The following RPF2 variants were observed in gnomAD, a reference collection of about 807,000 sequenced individuals.
The protein encoded by RPF2 is ribosome production factor 2 homolog, also known as brix domain containing 1.
RPF2 carries 21 observed loss-of-function variants against 38.9 expected under a neutral mutation model. The observed-to-expected ratio is 0.54, with a 90% CI of 0.38 to 0.78. RPF2 has a LOEUF of 0.78. Among genes scored for constraint, RPF2 ranks in the 30% least tolerant of loss-of-function variants. The pLI is 0.00. For missense variants in RPF2, 314 were observed against 358.1 expected, an observed-to-expected ratio of 0.88 and a Z score of 0.99; for synonymous variants, 121 against 126.2, an observed-to-expected ratio of 0.96 and a Z score of 0.28.
chr6:110,986,355 A>C (rs1771526280), intron 2 of RPF2, among the ~76,000 whole-genome samples: 1 of 152,220 alleles, frequency 6.6e-6, no homozygotes, highest in South Asian at 2.1e-4. Context: ...GAGCATCTGG[A>C]GTCCAGTGGT....
At chr6:110,990,802 A>AC (rs1044321116) in intron 3 of RPF2, among the ~76,000 whole-genome samples, 6 of 151,954 alleles carry the variant, frequency 3.9e-5, no homozygotes, top group Admixed American at 6.6e-5. Flanking sequence ...CAGACTCCTG[A>AC]CCTCAGGTGA....
chr6:110,984,980 G>A, intron 1 of RPF2, 26 bp from the exon 2 acceptor site: 1 of 1,599,806 alleles, frequency 6.3e-7, no homozygotes, highest in South Asian at 1.1e-5. Context: ...TGTTTAAATA[G>A]TTATGAATTG....
intron 7 of RPF2, among the ~76,000 whole-genome samples, chr6:111,013,983 G>A (rs1342813564): frequency 1.3e-5 from 2 of 151,466 alleles, no homozygotes; most frequent in African/African-American, 4.9e-5. Context: ...CATAATATAT[G>A]TATAAATATA....
intron 3 of RPF2, among the ~76,000 whole-genome samples, chr6:110,989,443 A>T (rs1771580121): frequency 6.6e-6 from 1 of 152,124 alleles, no homozygotes; most frequent in Non-Finnish European, 1.5e-5. Flanking sequence ...ATATTTGATT[A>T]GCACCAGTTT....
chr6:110,997,393 G>A (rs901086919), intron 5 of RPF2, 129 bp downstream of exon 5: 3 of 627,042 alleles, frequency 4.8e-6, no homozygotes, highest in African/African-American at 3.7e-5. Flanking sequence ...AGAGGCATAG[G>A]CAGAGTAAGA....
At position 111,008,030 on chromosome 6, in the gene RPF2, T is replaced by C; in HGVS notation, c.394-8T>C. 6.4e-7 allele frequency: 1 copy of C among 1,558,716 alleles called. No individual in the cohort carries two copies. ...AATTATATAATTGCTTTTTTTTTTT[T>C]TTTTTAGAACAGTAAATGTCCTGAG... is the stretch of plus-strand genomic sequence containing the variant. On this transcript the variant is annotated splice_polypyrimidine_tract_variant and splice_region_variant and intron_variant, in intron 6 of 9. Transcript: ENST00000441448.
At chr6:110,994,098 T>G (rs558874950) in intron 4 of RPF2, among the ~76,000 whole-genome samples, 2 of 152,060 alleles carry the variant, frequency 1.3e-5, no homozygotes, top group East Asian at 3.9e-4. Flanking sequence ...CCAACATGGA[T>G]AAACCCTGTC....
intron 6 of RPF2, among the ~76,000 whole-genome samples, chr6:111,007,069 A>G (rs554931880): frequency 6.6e-6 from 1 of 151,804 alleles, no homozygotes; most frequent in African/African-American, 2.4e-5. Context: ...TGTAGAGATG[A>G]GGTCTCACTG....
rs1257880268 is a variant in RPF2 at position 111,027,640 on chromosome 6, T to A, written c.*2058T>A. On this transcript the variant is annotated 3_prime_UTR_variant, in exon 10 of 10. Transcript: ENST00000441448. ...TCTTAACCCAAAGATGGCCATGATT[T>A]CTGTATGTGAGACGTCTTAAGGGTG... 6.6e-6 allele frequency: 1 copy of A among 152,214 alleles called. No homozygotes were observed. The highest frequency in any genetic ancestry group is 2.4e-5 in the African/African-American group (1 of 41,454). The allele number at this position is 152,214 out of a possible 1,614,324, so 9.4% of individuals were successfully genotyped here.
In RPF2 at chr6:111,003,615, GAAGT is replaced by G. The variant is rs528462479; in HGVS notation, c.393+3832_393+3835del. On this transcript the variant is annotated intron_variant, in intron 6 of 9. Coordinates refer to ENST00000441448, the MANE Select transcript of RPF2 (RefSeq NM_032194.3). ...ACGTCAAAGGATGATTATATTCAAT[GAAGT>G]AAGACTAGCCTGGACAACATAGTGA... 3.2e-4 allele frequency among the ~76,000 whole-genome samples: 48 copies of G among 152,256 alleles called. No homozygotes were observed. In the East Asian group the frequency reaches 8.7e-3, roughly 28 times the overall value.
At chr6:110,982,216 C>G in intron 1 of RPF2, 87 bp downstream of exon 1, 2 of 1,434,926 alleles carry the variant, frequency 1.4e-6, no homozygotes, top group African/African-American at 2.8e-5. Context: ...TCTCACTCTT[C>G]CTGGTTACCC....
chr6:111,004,794 C>T (rs984670737), intron 6 of RPF2, among the ~76,000 whole-genome samples: 2 of 151,970 alleles, frequency 1.3e-5, no homozygotes, highest in Admixed American at 1.3e-4. Flanking sequence ...GTCTCGGACT[C>T]CTCACCTCAA....
chr6:111,010,750 A>G (rs529251552), intron 7 of RPF2, among the ~76,000 whole-genome samples: 34 of 152,284 alleles, frequency 2.2e-4, no homozygotes, highest in African/African-American at 7.9e-4. Context: ...TTGTATGCAC[A>G]TGCTTTACAA....
chr6:111,023,654 G>T (rs1772270913), intron 8 of RPF2, among the ~76,000 whole-genome samples: 1 of 151,932 alleles, frequency 6.6e-6, no homozygotes, highest in Non-Finnish European at 1.5e-5. Context: ...TTTTTAATTT[G>T]ATATTTGTGT....
intron 8 of RPF2, among the ~76,000 whole-genome samples, chr6:111,023,190 C>T (rs180965033): frequency 5.3e-5 from 8 of 152,322 alleles, no homozygotes; most frequent in South Asian, 4.1e-4. Flanking sequence ...TGAGCCACCA[C>T]GCCTGGCTGC....
rs147424738 is a variant in RPF2 at position 111,006,311 on chromosome 6, T to C, written c.394-1727T>C. Among the ~76,000 whole-genome samples, 502 of 152,096 alleles carry C rather than the reference T, an allele frequency of 3.3e-3. 5 individuals carry two copies. Among genetic ancestry groups the C allele is most frequent in the African/African-American group, 0.011 (469 of 41,510 alleles). On this transcript the variant is annotated intron_variant, in intron 6 of 9. Coordinates refer to ENST00000441448, the MANE Select transcript of RPF2 (RefSeq NM_032194.3). The stretch of plus-strand genomic sequence containing the variant: ...GTGCAGTGGTGCAATCTCGGCTCAC[T>C]ACAACCTCTGTCTCTTGGGTTCAAA...
Position 110,994,412 on chromosome 6 carries a change from C to T in RPF2, c.234+2626C>T, listed in dbSNP as rs116306445. 3.8e-3 allele frequency among the ~76,000 whole-genome samples: 578 copies of T among 152,052 alleles called. 5 individuals carry two copies. Among genetic ancestry groups the T allele is most frequent in the African/African-American group, 0.013 (552 of 41,488 alleles). On this transcript the variant is annotated intron_variant, in intron 4 of 9. Transcript: ENST00000441448. ...CCAGCCTAGGCAACATATTGAGATC[C>T]CATCTCTTAAAGAAAATTTAAAAAT... is the stretch of plus-strand genomic sequence containing the variant.
intron 6 of RPF2, among the ~76,000 whole-genome samples, chr6:111,005,964 C>G (rs543993835): frequency 1.4e-4 from 22 of 152,100 alleles, no homozygotes; most frequent in Non-Finnish European, 5.9e-5. Context: ...CACACTGCAC[C>G]TGGCTAATTT....
chr6:110,994,239 C>T (rs531506467), intron 4 of RPF2, among the ~76,000 whole-genome samples: 2 of 149,172 alleles, frequency 1.3e-5, no homozygotes, highest in Non-Finnish European at 3.0e-5. Flanking sequence ...TGTGGCATTG[C>T]ACTCCAGCCT....
Sources: gnomAD v4.1 joint callset for allele counts (sites outside exome capture counted in the v4.1 genomes callset) on GRCh38, gnomAD v4.1.1 for gene constraint, MANE v1.5 for transcripts, NCBI Gene and HGNC (gene_info 2026-07-23, HGNC 2026-07-21) for gene names.